The following NHSL1 variants were observed in gnomAD, a reference collection of about 807,000 sequenced individuals.
NHSL1 encodes NHS-like protein 1.
NHSL1 carries 48 observed loss-of-function variants against 95.0 expected under a neutral mutation model. The observed-to-expected ratio is 0.51, with a 90% CI of 0.40 to 0.64. The LOEUF is 0.64. Ranked by LOEUF, NHSL1 falls within the 30% of genes least tolerant of loss-of-function variation. The pLI, the probability that NHSL1 is intolerant of heterozygous loss-of-function variation, is 0.00. For missense variants in NHSL1, 1,971 were observed against 2,077.7 expected, an observed-to-expected ratio of 0.95 and a Z score of 1.00; for synonymous variants, 783 against 833.9, an observed-to-expected ratio of 0.94 and a Z score of 1.05.
At chr6:138,474,017 C>A (rs751626530) in intron 2 of NHSL1, among the ~76,000 whole-genome samples, 7 of 152,066 alleles carry the variant, frequency 4.6e-5, no homozygotes, top group Non-Finnish European at 7.4e-5. Flanking sequence ...CAGGTGCCAG[C>A]CTGAGACATC....
At position 138,678,389 on chromosome 6, in the gene NHSL1, A is replaced by C. The variant is rs144014278; in HGVS notation, c.96+14087T>G. 7.7e-4 allele frequency among the ~76,000 whole-genome samples: 118 copies of C among 152,304 alleles called. 1 individual carries two copies. The highest frequency in any genetic ancestry group is 1.3e-3 in the Non-Finnish European group (89 of 68,022). On this transcript the variant is annotated intron_variant, in intron 1 of 3. Coordinates refer to the NHSL1 transcript ENST00000491526. Reference sequence around the variant, plus strand: ...CTCAAAGAACCAGAGAAACTTTCTGAATTCTCTATAGATTCATAATAGCAT... The same window carrying C: ...CTCAAAGAACCAGAGAAACTTTCTGCATTCTCTATAGATTCATAATAGCAT...
intron 1 of NHSL1, among the ~76,000 whole-genome samples, chr6:138,661,495 C>CAAAAAAA (rs111293449): frequency 8.5e-6 from 1 of 118,128 alleles, no homozygotes. Flanking sequence ...CCCCCCGTCT[C>CAAAAAAA]AAAAAAAAAA....
At chr6:138,537,459 T>C (rs544239102) in intron 1 of NHSL1, among the ~76,000 whole-genome samples, 2 of 152,360 alleles carry the variant, frequency 1.3e-5, no homozygotes, top group African/African-American at 2.4e-5. Flanking sequence ...TCTCACTATG[T>C]AGAAATACTA....
chr6:138,657,580 G>A (rs560768606), intron 1 of NHSL1, among the ~76,000 whole-genome samples: 5 of 152,102 alleles, frequency 3.3e-5, no homozygotes, highest in Admixed American at 6.5e-5. Context: ...TTGGGAGGCC[G>A]AGGCAGGCGG....
At chr6:138,673,471 CAAAA>C (rs1562409421) in intron 1 of NHSL1, among the ~76,000 whole-genome samples, 1 of 142,430 alleles carries the variant, frequency 7.0e-6, no homozygotes, top group Non-Finnish European at 1.6e-5. Flanking sequence ...AAAAAAAAAA[CAAAA>C]AACACACAGT....
intron 7 of NHSL1, among the ~76,000 whole-genome samples, 160 bp downstream of exon 7, chr6:138,429,551 G>T (rs1447796018): frequency 6.6e-6 from 1 of 152,126 alleles, no homozygotes; most frequent in African/African-American, 2.4e-5. Flanking sequence ...GGAGCCAGAG[G>T]AAATAAAACT....
At chr6:138,497,630 G>A (rs1780434264) in intron 1 of NHSL1, among the ~76,000 whole-genome samples, 1 of 152,168 alleles carries the variant, frequency 6.6e-6, no homozygotes, top group Non-Finnish European at 1.5e-5. Flanking sequence ...AAGATCAAAT[G>A]AACCAATATA....
upstream of NHSL1, among the ~76,000 whole-genome samples, chr6:138,547,226 C>T (rs896624159): frequency 7.9e-5 from 12 of 151,908 alleles, no homozygotes; most frequent in African/African-American, 2.9e-4. Flanking sequence ...TCACCAATAG[C>T]ACCTGGGTAA....
intron 1 of NHSL1, among the ~76,000 whole-genome samples, chr6:138,505,273 G>A: frequency 6.6e-6 from 1 of 152,132 alleles, no homozygotes; most frequent in East Asian, 1.9e-4. Flanking sequence ...TTCAAATATT[G>A]TACACAGGAG....
At chr6:138,448,927 C>T (rs1397519707) in intron 3 of NHSL1, among the ~76,000 whole-genome samples, 1 of 152,092 alleles carries the variant, frequency 6.6e-6, no homozygotes, top group Non-Finnish European at 1.5e-5. Flanking sequence ...TGGCGCATGC[C>T]TGTAATCCCA....
chr6:138,605,582 TTCA>T (rs1784422286), intron 1 of NHSL1, among the ~76,000 whole-genome samples: 1 of 152,240 alleles, frequency 6.6e-6, no homozygotes, highest in African/African-American at 2.4e-5. Context: ...TAGCTCCAGC[TTCA>T]CTCATATTGT....
intron 1 of NHSL1, among the ~76,000 whole-genome samples, chr6:138,682,910 G>A (rs1373748847): frequency 2.0e-5 from 3 of 152,318 alleles, no homozygotes; most frequent in East Asian, 3.9e-4. Context: ...CAAGATGCCC[G>A]AGGAAAGCCG....
chr6:138,687,105 T>C (rs186208952), intron 1 of NHSL1, among the ~76,000 whole-genome samples: 10 of 152,188 alleles, frequency 6.6e-5, no homozygotes, highest in Admixed American at 5.9e-4. Context: ...CAAACATTTA[T>C]GAGTAGTCAG....
chr6:138,569,825 A>G (rs535866445), intron 1 of NHSL1, among the ~76,000 whole-genome samples: 1 of 152,296 alleles, frequency 6.6e-6, no homozygotes, highest in South Asian at 2.1e-4. Flanking sequence ...GCAGCTTTTT[A>G]AGGATTCTTT....
intron 1 of NHSL1, among the ~76,000 whole-genome samples, chr6:138,606,558 C>A (rs1784436038): frequency 6.6e-6 from 1 of 152,176 alleles, no homozygotes; most frequent in South Asian, 2.1e-4. Context: ...CTTCATAGGT[C>A]TCTTGACACC....
chr6:138,471,349 T>C (rs1440295011), intron 3 of NHSL1, among the ~76,000 whole-genome samples: 3 of 152,216 alleles, frequency 2.0e-5, no homozygotes, highest in Admixed American at 6.5e-5. Flanking sequence ...AGCATCAGTA[T>C]AAGGCTAAAG....
chr6:138,583,935 C>CCCCACCT (rs1337539070), intron 1 of NHSL1, among the ~76,000 whole-genome samples: 1 of 152,016 alleles, frequency 6.6e-6, no homozygotes, highest in Non-Finnish European at 1.5e-5. Context: ...ACTCCCCACA[C>CCCCACCT]CCCACCTCCC....
chr6:138,598,627 GAAAA>G (rs35482505), intron 1 of NHSL1, among the ~76,000 whole-genome samples: 2 of 86,844 alleles, frequency 2.3e-5, no homozygotes, highest in Non-Finnish European at 2.4e-5. Flanking sequence ...TCATCTGGAA[GAAAA>G]AAAAAAAAAA....
chr6:138,446,889 G>A, intron 4 of NHSL1, 112 bp downstream of exon 4: 1 of 910,892 alleles, frequency 1.1e-6, no homozygotes, highest in Non-Finnish European at 1.7e-6. Flanking sequence ...GCATGAAGTT[G>A]GACCACAGCT....
Sources: gnomAD v4.1 joint callset for allele counts (sites outside exome capture counted in the v4.1 genomes callset) on GRCh38, gnomAD v4.1.1 for gene constraint, MANE v1.5 for transcripts, NCBI Gene and HGNC (gene_info 2026-07-23, HGNC 2026-07-21) for gene names.